Variants in MYO5B observed in about 807,000 individuals in gnomAD.
MYO5B encodes myosin VB, also known as unconventional myosin-Vb.
MYO5B carries 143 observed loss-of-function variants against 229.3 expected under a neutral mutation model. That is an observed-to-expected ratio of 0.62 (90% CI 0.54 to 0.72). MYO5B has a LOEUF of 0.72. MYO5B is among the 30% of genes least tolerant of loss of function. MYO5B has a pLI of 0.00. For missense variants in MYO5B, 2,321 were observed against 2,331.0 expected (o/e 1.00, Z 0.09); for synonymous variants, 918 against 885.2 (o/e 1.04, Z -0.66).
intron 10 of MYO5B, among the ~76,000 whole-genome samples, chr18:49,964,824 A>G (rs543219967): frequency 4.8e-4 from 73 of 152,304 alleles, no homozygotes; most frequent in Non-Finnish European, 8.8e-4. Flanking sequence ...CAATGTGTGC[A>G]ATATGGCCCA....
Position 49,996,553 on chromosome 18 carries a change from T to C in MYO5B, c.613-4122A>G, listed in dbSNP as rs575849957. Among the ~76,000 whole-genome samples, 18 of 152,344 alleles carry C rather than the reference T, an allele frequency of 1.2e-4. 1 individual carries two copies. The highest frequency in any genetic ancestry group is 1.9e-4 in the Non-Finnish European group (13 of 68,036). On this transcript the variant is annotated intron_variant, in intron 5 of 39. Transcript: ENST00000285039. The stretch of plus-strand genomic sequence containing the variant: ...GAGTGAAAAGTTGCAAACTGGTTGA[T>C]GGAATATGCTACCAACTACTTATGG...
intron 1 of MYO5B, among the ~76,000 whole-genome samples, chr18:50,074,283 T>C (rs1475893096): frequency 6.6e-6 from 1 of 152,176 alleles, no homozygotes; most frequent in Admixed American, 6.5e-5. Context: ...TACCTTCCCC[T>C]GGGTCCCTCC....
At chr18:50,164,837 T>C (rs142637636) in intron 1 of MYO5B, among the ~76,000 whole-genome samples, 2 of 152,326 alleles carry the variant, frequency 1.3e-5, no homozygotes, top group African/African-American at 4.8e-5. Flanking sequence ...AAATTGGGTT[T>C]CTATCATAAG....
chr18:50,082,409 A>G (rs2031239415), intron 1 of MYO5B, among the ~76,000 whole-genome samples: 1 of 152,264 alleles, frequency 6.6e-6, no homozygotes, highest in Non-Finnish European at 1.5e-5. Flanking sequence ...AACTCCAAAT[A>G]TGTGAACAGA....
At position 49,847,056 on chromosome 18, in the gene MYO5B, G is replaced by C. The variant is rs1019803763; in HGVS notation, c.4459+90C>G. ...GGTGGGGGCTGTGCAGGAGGTGAAG[G>C]AAGGGGTGTGGGGGTTGTGCTGGGG... On this transcript the variant is annotated intron_variant, in intron 33 of 39. Coordinates refer to ENST00000285039, the MANE Select transcript of MYO5B (RefSeq NM_001080467.3). The C allele has an allele frequency of 7.8e-6, 12 of 1,543,240 alleles. No homozygotes were observed. In the African/African-American group the frequency reaches 1.7e-4, roughly 21 times the overall value.
chr18:49,974,819 A>ACACACACACACACACACACACACACG (rs1340944787), intron 9 of MYO5B, among the ~76,000 whole-genome samples: 33 of 151,796 alleles, frequency 2.2e-4, no homozygotes, highest in Non-Finnish European at 3.7e-4. Flanking sequence ...ACACACACAC[A>ACACACACACACACACACACACACACG]CACACACACT....
chr18:49,984,562 G>A (rs1319531955), intron 8 of MYO5B, among the ~76,000 whole-genome samples, 156 bp downstream of exon 8: 1 of 152,188 alleles, frequency 6.6e-6, no homozygotes, highest in Non-Finnish European at 1.5e-5. Context: ...GGTTGGGATG[G>A]GTAAGAGAGT....
At chr18:49,841,208 C>T (rs1273479109) in intron 35 of MYO5B, among the ~76,000 whole-genome samples, 157 bp downstream of exon 35, 3 of 152,168 alleles carry the variant, frequency 2.0e-5, no homozygotes, top group Non-Finnish European at 2.9e-5. Flanking sequence ...GGCCTTATTG[C>T]TGCTTCCAGC....
At position 50,195,017 on chromosome 18, in the gene MYO5B, G is replaced by A. The variant is rs909041444; in HGVS notation, c.-224C>T. On this transcript the variant is annotated 5_prime_UTR_variant, in exon 1 of 40. Transcript: ENST00000285039. The stretch of plus-strand genomic sequence containing the variant: ...CGGCGGCGCAGCTACGGCCGGACAG[G>A]AGTTGCGAGCGCCGGGGGAGGAGGC... 122 of 496,964 alleles carry A rather than the reference G, an allele frequency of 2.5e-4. No individual in the cohort carries two copies. The highest frequency in any genetic ancestry group is 2.2e-3 in the African/African-American group (109 of 49,648). 30.8% of individuals were successfully genotyped at this position (496,964 alleles called of 1,614,324 possible).
intron 1 of MYO5B, among the ~76,000 whole-genome samples, chr18:50,108,693 C>T (rs2031808242): frequency 6.6e-6 from 1 of 152,138 alleles, no homozygotes; most frequent in South Asian, 2.1e-4. Flanking sequence ...AGGTATGCAG[C>T]AATTATCTCG....
chr18:50,111,810 T>C (rs570455939), intron 1 of MYO5B, among the ~76,000 whole-genome samples: 2 of 152,354 alleles, frequency 1.3e-5, no homozygotes, highest in South Asian at 2.1e-4. Context: ...ATTCATTTCT[T>C]TGAACTTCTG....
chr18:50,063,975 A>T (rs1013421607), intron 1 of MYO5B: 1 of 152,430 alleles, frequency 6.6e-6, no homozygotes, highest in Non-Finnish European at 1.5e-5. Context: ...GTGTACAAGG[A>T]ACACTGCTGA....
chr18:50,085,658 A>T (rs938667667), intron 1 of MYO5B, among the ~76,000 whole-genome samples: 5 of 152,348 alleles, frequency 3.3e-5, no homozygotes, highest in Admixed American at 2.6e-4. Flanking sequence ...AAGACTTGGA[A>T]CCAACCCAGA....
chr18:49,835,023 G>A (rs2023970923), intron 39 of MYO5B, among the ~76,000 whole-genome samples: 1 of 152,210 alleles, frequency 6.6e-6, no homozygotes, highest in Admixed American at 6.5e-5. Flanking sequence ...GGTTAGGGCT[G>A]ATATTCTGCT....
chr18:49,954,711 G>A (rs532718157), intron 12 of MYO5B, among the ~76,000 whole-genome samples: 1 of 152,316 alleles, frequency 6.6e-6, no homozygotes, highest in East Asian at 1.9e-4. Flanking sequence ...GGGAGGATGA[G>A]GGTGAAAGCC....
chr18:50,040,363 A>G (rs748993405), intron 2 of MYO5B, 49 bp from the exon 3 acceptor site: 1 of 1,536,220 alleles, frequency 6.5e-7, no homozygotes, highest in Non-Finnish European at 9.0e-7. Flanking sequence ...TGAAGCGTTA[A>G]GTCTGTATTC....
chr18:50,079,519 C>T (rs1388453466), intron 1 of MYO5B, among the ~76,000 whole-genome samples: 1 of 152,214 alleles, frequency 6.6e-6, no homozygotes, highest in Non-Finnish European at 1.5e-5. Context: ...ATTCTCCCCC[C>T]TTGAGGCAGA....
chr18:49,836,697 C>T lies in MYO5B; in HGVS notation c.5313+14G>A, dbSNP rs192047248. On this transcript the variant is annotated intron_variant, in intron 38 of 39. Transcript: ENST00000285039. The stretch of plus-strand genomic sequence containing the variant: ...TTGGAATACCATGTTGACAGAGGTG[C>T]AAAGTGACTGTACCTGCTGGGTGCT... The T allele has an allele frequency of 6.8e-6, 11 of 1,613,826 alleles. No individual in the cohort carries two copies. The highest frequency in any genetic ancestry group is 9.3e-6 in the Non-Finnish European group (11 of 1,179,820).
chr18:49,914,473 G>A (rs1192031043), intron 17 of MYO5B, among the ~76,000 whole-genome samples: 1 of 152,078 alleles, frequency 6.6e-6, no homozygotes, highest in Non-Finnish European at 1.5e-5. Flanking sequence ...TAAAAATGTT[G>A]TCCAAAGAAA....
Sources: allele counts gnomAD v4.1 joint callset (sites outside exome capture counted in the v4.1 genomes callset), GRCh38; gene constraint gnomAD v4.1.1; transcripts MANE v1.5; gene names NCBI Gene and HGNC (gene_info 2026-07-23, HGNC 2026-07-21).